Variants in PCCA observed in about 807,000 individuals in gnomAD.
PCCA encodes the protein propionyl-CoA carboxylase alpha chain, mitochondrial.
Under a neutral mutation model 101.3 loss-of-function variants are expected in PCCA, and 74 were observed. That is an observed-to-expected ratio of 0.73 (90% CI 0.61 to 0.89). The LOEUF (loss-of-function observed/expected upper bound fraction) is 0.89, where lower values mean the gene tolerates loss of function less well. Among genes scored for constraint, PCCA ranks in the 40% least tolerant of loss-of-function variants. The pLI, the probability that PCCA is intolerant of heterozygous loss-of-function variation, is 0.00. For missense variants in PCCA, 891 were observed against 907.0 expected, an observed-to-expected ratio of 0.98 and a Z score of 0.23; for synonymous variants, 294 against 313.6, an observed-to-expected ratio of 0.94 and a Z score of 0.66.
intron 4 of PCCA, among the ~76,000 whole-genome samples, chr13:100,139,074 C>A (rs944035676): frequency 1.3e-5 from 2 of 151,808 alleles, no homozygotes; most frequent in Admixed American, 1.3e-4. Flanking sequence ...ATGTCACTTC[C>A]TTCTGGTCTT....
At chr13:100,301,688 AG>A in intron 13 of PCCA, 85 bp downstream of exon 13, 18 of 1,472,890 alleles carry the variant, frequency 1.2e-5, no homozygotes, top group Non-Finnish European at 1.7e-5. Flanking sequence ...AGGTAAAGTT[AG>A]GGTTTTATAA....
intron 19 of PCCA, among the ~76,000 whole-genome samples, chr13:100,406,798 A>G (rs1459754683): frequency 6.6e-6 from 1 of 152,220 alleles, no homozygotes; most frequent in Admixed American, 6.5e-5. Flanking sequence ...GCAAAAGTCA[A>G]AAAGGTTGCT....
chr13:100,343,062 G>A (rs1207453759), intron 18 of PCCA, among the ~76,000 whole-genome samples: 2 of 152,180 alleles, frequency 1.3e-5, no homozygotes, highest in African/African-American at 4.8e-5. Context: ...GGGGCGTGGT[G>A]GCGGGTGCCT....
At chr13:100,171,872 A>G (rs2055694428) in intron 6 of PCCA, among the ~76,000 whole-genome samples, 1 of 152,060 alleles carries the variant, frequency 6.6e-6, no homozygotes, top group Admixed American at 6.6e-5. Context: ...CTCTACTACA[A>G]GTACAAAAAA....
At chr13:100,151,055 T>G in intron 4 of PCCA, 1 of 1,557,058 alleles carries the variant, frequency 6.4e-7, no homozygotes, top group Non-Finnish European at 8.8e-7. Context: ...ATCAGACTGC[T>G]GCTTTCTCCG....
At chr13:100,490,605 C>A (rs2084833438) in intron 21 of PCCA, 1 of 152,196 alleles carries the variant, frequency 6.6e-6, no homozygotes, top group African/African-American at 2.4e-5. Flanking sequence ...TAACATTCAC[C>A]TCTTGAGCTG....
At chr13:100,185,727 A>G (rs1304234786) in intron 6 of PCCA, among the ~76,000 whole-genome samples, 1 of 149,814 alleles carries the variant, frequency 6.7e-6, no homozygotes, top group African/African-American at 2.5e-5. Context: ...GGCTCACCGC[A>G]GCCTCCACCT....
chr13:100,499,090 C>T (rs942028546), intron 21 of PCCA, among the ~76,000 whole-genome samples: 2 of 152,182 alleles, frequency 1.3e-5, no homozygotes, highest in Non-Finnish European at 1.5e-5. Flanking sequence ...AAGCTTTTCA[C>T]CAAGCCACAA....
chr13:100,513,309 G>C (rs2086617540), intron 21 of PCCA, among the ~76,000 whole-genome samples: 1 of 152,202 alleles, frequency 6.6e-6, no homozygotes, highest in African/African-American at 2.4e-5. Flanking sequence ...TTACCCCGTT[G>C]TTATTTTTTA....
intron 20 of PCCA, among the ~76,000 whole-genome samples, chr13:100,442,463 G>A (rs1334899220): frequency 6.6e-6 from 1 of 152,182 alleles, no homozygotes; most frequent in African/African-American, 2.4e-5. Flanking sequence ...TGTTTTTAAT[G>A]TGAAAATTTG....
At chr13:100,136,278 C>T (rs1333098939) in intron 4 of PCCA, among the ~76,000 whole-genome samples, 2 of 148,290 alleles carry the variant, frequency 1.3e-5, no homozygotes, top group Admixed American at 6.7e-5. Context: ...CTCCACCTCC[C>T]GGGTTCAAGT....
At chr13:100,419,705 G>A (rs1012986896) in intron 19 of PCCA, among the ~76,000 whole-genome samples, 31 of 152,210 alleles carry the variant, frequency 2.0e-4, no homozygotes, top group African/African-American at 7.2e-4. Flanking sequence ...GAAAGCTGGA[G>A]AACAGCGAAG....
chr13:100,204,018 T>C (rs1355807939), intron 6 of PCCA, among the ~76,000 whole-genome samples: 2 of 152,244 alleles, frequency 1.3e-5, no homozygotes, highest in Non-Finnish European at 2.9e-5. Flanking sequence ...GCTAACTTCC[T>C]GAACCAATCC....
intron 4 of PCCA, among the ~76,000 whole-genome samples, chr13:100,114,086 C>T (rs2048571601): frequency 6.6e-6 from 1 of 152,098 alleles, no homozygotes; most frequent in Non-Finnish European, 1.5e-5. Flanking sequence ...GGATCAGGCT[C>T]ATCAAGACAT....
chr13:100,183,233 T>A (rs1179908704), intron 6 of PCCA, among the ~76,000 whole-genome samples: 1 of 152,174 alleles, frequency 6.6e-6, no homozygotes, highest in African/African-American at 2.4e-5. Context: ...ATTCCTATCA[T>A]AAATACTCTC....
At chr13:100,521,288 G>T (rs1387031238) in intron 22 of PCCA, among the ~76,000 whole-genome samples, 3 of 152,258 alleles carry the variant, frequency 2.0e-5, no homozygotes, top group Non-Finnish European at 4.4e-5. Flanking sequence ...GACAAGGGGA[G>T]CACCAGGCAG....
At chr13:100,420,442 T>C (rs2078671354) in intron 19 of PCCA, among the ~76,000 whole-genome samples, 2 of 151,972 alleles carry the variant, frequency 1.3e-5, no homozygotes, top group African/African-American at 4.8e-5. Flanking sequence ...AATCTGGAGG[T>C]GGTAGCTCGT....
intron 22 of PCCA, among the ~76,000 whole-genome samples, chr13:100,519,544 A>T (rs1022203158): frequency 6.6e-6 from 1 of 152,158 alleles, no homozygotes; most frequent in African/African-American, 2.4e-5. Flanking sequence ...CTTCACCCTG[A>T]TTTTGTTTCC....
chr13:100,379,260 G>T (rs934601281), intron 19 of PCCA, among the ~76,000 whole-genome samples: 8 of 152,064 alleles, frequency 5.3e-5, no homozygotes, highest in African/African-American at 1.4e-4. Flanking sequence ...ATTAGTAGAG[G>T]CTGTAATGAG....
Sources: gnomAD v4.1 joint callset for allele counts (sites outside exome capture counted in the v4.1 genomes callset) on GRCh38, gnomAD v4.1.1 for gene constraint, MANE v1.5 for transcripts, NCBI Gene and HGNC (gene_info 2026-07-23, HGNC 2026-07-21) for gene names.